The following BBS9 variants were observed in gnomAD, a reference collection of about 807,000 sequenced individuals.
BBS9 encodes the protein Bardet-Biedl syndrome 9, also known as protein PTHB1.
A neutral mutation model predicts 117.7 loss-of-function variants in BBS9; 89 were observed. That is an observed-to-expected ratio of 0.76 (90% CI 0.64 to 0.90). The LOEUF (loss-of-function observed/expected upper bound fraction) is 0.90. Among genes scored for constraint, BBS9 ranks in the 40% least tolerant of loss-of-function variants. The pLI, the probability that BBS9 is intolerant of heterozygous loss-of-function variation, is 0.00. For synonymous variants in BBS9, 379 were observed against 370.9 expected, an observed-to-expected ratio of 1.02 and a Z score of -0.25; for missense variants, 982 against 1,042.2, an observed-to-expected ratio of 0.94 and a Z score of 0.80.
intron 19 of BBS9, among the ~76,000 whole-genome samples, chr7:33,502,200 C>T (rs1845554579): frequency 6.6e-6 from 1 of 152,090 alleles, no homozygotes. Flanking sequence ...GAGTCACACG[C>T]CCAGCCTTCA....
intron 5 of BBS9, among the ~76,000 whole-genome samples, chr7:33,188,493 T>C (rs777227178): frequency 6.6e-6 from 1 of 152,226 alleles, no homozygotes; most frequent in Non-Finnish European, 1.5e-5. Flanking sequence ...GATATAGTGC[T>C]CTTCAAGAGT....
intron 19 of BBS9, among the ~76,000 whole-genome samples, chr7:33,502,169 A>G (rs536726038): frequency 2.0e-5 from 3 of 152,226 alleles, no homozygotes; most frequent in South Asian, 4.1e-4. Context: ...CGGCCTCCCA[A>G]AGTGCTGGGA....
At chr7:33,491,097 T>C (rs1843831303) in intron 19 of BBS9, among the ~76,000 whole-genome samples, 1 of 152,198 alleles carries the variant, frequency 6.6e-6, no homozygotes, top group Non-Finnish European at 1.5e-5. Context: ...GGGAGAGGGA[T>C]CATTGTGTAT....
At chr7:33,189,075 C>A (rs190590014) in intron 5 of BBS9, among the ~76,000 whole-genome samples, 1 of 152,042 alleles carries the variant, frequency 6.6e-6, no homozygotes, top group Non-Finnish European at 1.5e-5. Context: ...AGGCTGAGTG[C>A]GGTGGTACGA....
At position 33,544,938 on chromosome 7, in the gene BBS9, G is replaced by T. The variant is rs533716040; in HGVS notation, c.2521+10762G>T. Among the ~76,000 whole-genome samples the T allele has an allele frequency of 7.9e-5, 12 of 152,132 alleles. No homozygotes were observed. In the East Asian group the frequency reaches 2.1e-3, roughly 27 times the overall value. ...TTGTGTACCTAGGAGGTTTATGGCT[G>T]CCCCTGCTGAGTCATGCAGGTTGTC... is the stretch of plus-strand genomic sequence containing the variant. On this transcript the variant is annotated intron_variant, in intron 21 of 22. Transcript: ENST00000242067.
At chr7:33,393,519 G>T (rs998688575) in intron 19 of BBS9, among the ~76,000 whole-genome samples, 3 of 152,184 alleles carry the variant, frequency 2.0e-5, no homozygotes, top group South Asian at 2.1e-4. Context: ...TCCTGGCCCT[G>T]TTAGGATAAT....
chr7:33,139,935 A>AT lies in BBS9; in HGVS notation c.-11-6297dup, dbSNP rs11324948. ...TTGGTCACTCCCTTTTTCTAGATACATTTTTTTTTTCCACTTCCTTCGAGA... is the reference window on the plus strand; with the variant it reads ...TTGGTCACTCCCTTTTTCTAGATACATTTTTTTTTTTCCACTTCCTTCGAGA... On this transcript the variant is annotated intron_variant, in intron 1 of 22. Coordinates refer to ENST00000242067, the MANE Select transcript of BBS9 (RefSeq NM_198428.3). Among the ~76,000 whole-genome samples the AT allele has an allele frequency of 7.2e-3, 1,054 of 147,060 alleles. 8 individuals are homozygous for AT. The highest frequency in any genetic ancestry group is 0.017 in the Middle Eastern group (5 of 288).
At chr7:33,562,606 G>A (rs559085337) in intron 21 of BBS9, among the ~76,000 whole-genome samples, 16 of 152,172 alleles carry the variant, frequency 1.1e-4, no homozygotes, top group African/African-American at 2.4e-5. Context: ...CAAATCGCTT[G>A]GAAATGTAGT....
chr7:33,478,474 C>T (rs1842088632), intron 19 of BBS9, among the ~76,000 whole-genome samples: 1 of 152,130 alleles, frequency 6.6e-6, no homozygotes, highest in African/African-American at 2.4e-5. Flanking sequence ...TTATAGAATA[C>T]TTCTGTTAGT....
downstream of BBS9, among the ~76,000 whole-genome samples, chr7:33,606,664 A>G (rs1864587169): frequency 6.6e-6 from 1 of 151,942 alleles, no homozygotes; most frequent in Non-Finnish European, 1.5e-5. Flanking sequence ...TACTTCCCAG[A>G]TTTTTTTGCC....
At chr7:33,218,249 T>C (rs914443408) in intron 5 of BBS9, among the ~76,000 whole-genome samples, 3 of 152,216 alleles carry the variant, frequency 2.0e-5, no homozygotes, top group Admixed American at 1.3e-4. Flanking sequence ...TTTTGTCCTT[T>C]GAGGAAATAC....
chr7:33,590,463 T>TTTTG (rs1452831433), intron 21 of BBS9, among the ~76,000 whole-genome samples: 3 of 146,920 alleles, frequency 2.0e-5, no homozygotes, highest in African/African-American at 7.6e-5. Context: ...TTTTTTGTTT[T>TTTTG]TTTTTTTTTT....
intron 19 of BBS9, among the ~76,000 whole-genome samples, chr7:33,389,710 AAAAAAT>A (rs1563105973): frequency 7.3e-5 from 9 of 122,716 alleles, no homozygotes; most frequent in Admixed American, 5.0e-4. Context: ...AAAAAAAAAA[AAAAAAT>A]TCATGGTTAT....
chr7:33,362,309 A>G (rs755032459), intron 16 of BBS9, among the ~76,000 whole-genome samples: 5 of 152,182 alleles, frequency 3.3e-5, no homozygotes, highest in Non-Finnish European at 7.4e-5. Context: ...AATGGTTCAT[A>G]AATTTACTGT....
Position 33,486,712 on chromosome 7 carries a change from A to G in BBS9, c.2116-18751A>G, listed in dbSNP as rs138187574. Among the ~76,000 whole-genome samples, 754 of 152,274 alleles carry G rather than the reference A, an allele frequency of 5.0e-3. 6 individuals carry two copies. Among genetic ancestry groups the G allele is most frequent in the Middle Eastern group, 0.01 (3 of 294 alleles). ...TCTTCTTGTTAGTGTTGTTGTTTGG[A>G]TAGATGCTAAAAAATCCCAGGATTC... On this transcript the variant is annotated intron_variant, in intron 19 of 22. Coordinates refer to ENST00000242067, the MANE Select transcript of BBS9 (RefSeq NM_198428.3).
chr7:33,266,168 A>T (rs553446864), intron 7 of BBS9, among the ~76,000 whole-genome samples: 6 of 152,314 alleles, frequency 3.9e-5, no homozygotes, highest in African/African-American at 1.4e-4. Context: ...CTGAGGATGT[A>T]TTCTGAAGGC....
At chr7:33,218,906 C>T (rs1789595503) in intron 5 of BBS9, among the ~76,000 whole-genome samples, 1 of 152,262 alleles carries the variant, frequency 6.6e-6, no homozygotes. Context: ...CACCACTGCA[C>T]TGTGGGAGCC....
At chr7:33,346,209 G>A in intron 12 of BBS9, 1 of 466,578 alleles carries the variant, frequency 2.1e-6, no homozygotes, top group Non-Finnish European at 4.4e-6. Flanking sequence ...CTCTCCTTAT[G>A]ACCTTTTATA....
intron 21 of BBS9, among the ~76,000 whole-genome samples, chr7:33,547,818 G>A (rs1455110522): frequency 2.6e-5 from 4 of 152,122 alleles, no homozygotes; most frequent in Non-Finnish European, 5.9e-5. Context: ...TCAAGCTATA[G>A]TTTATAAATA....
Sources: allele counts gnomAD v4.1 joint callset (sites outside exome capture counted in the v4.1 genomes callset), GRCh38; gene constraint gnomAD v4.1.1; transcripts MANE v1.5; gene names NCBI Gene and HGNC (gene_info 2026-07-23, HGNC 2026-07-21).